SERAC1: variants seen among roughly 807,000 people sequenced by gnomAD.
The protein encoded by SERAC1 is serine active site containing 1, also known as protein SERAC1.
SERAC1 carries 36 observed loss-of-function variants against 85.7 expected under a neutral mutation model. The observed-to-expected ratio is 0.42, with a 90% confidence interval of 0.32 to 0.55. The LOEUF (loss-of-function observed/expected upper bound fraction) is 0.55, where lower values mean the gene tolerates loss of function less well. Among genes scored for constraint, SERAC1 ranks in the 20% least tolerant of loss-of-function variants. SERAC1 has a pLI of 0.11. For synonymous variants in SERAC1, 242 were observed against 265.3 expected (o/e 0.91, Z 0.85); for missense variants, 629 against 796.2 (o/e 0.79, Z 2.53).
At chr6:158,130,181 T>G (rs1436610234) in intron 9 of SERAC1, among the ~76,000 whole-genome samples, 192 bp downstream of exon 9, 1 of 152,178 alleles carries the variant, frequency 6.6e-6, no homozygotes, top group Non-Finnish European at 1.5e-5. Context: ...CTTAGCAAAA[T>G]AGAATCTCAT....
At position 158,158,541 on chromosome 6, in the gene SERAC1, C is replaced by G. The variant is rs1562461113; in HGVS notation, c.-1-177G>C. On this transcript the variant is annotated intron_variant, in intron 1 of 16. Transcript: ENST00000647468. ...TTCTCCATTAAAAACTTAAAAGGGA[C>G]TTATTAGAATAATATTTTGTTAGAA... 6.0e-6 allele frequency: 3 copies of G among 500,316 alleles called. No homozygotes were observed. In the East Asian group the frequency reaches 9.6e-5, roughly 16 times the overall value. The allele number at this position is 500,316 out of a possible 1,614,324, so 31.0% of individuals were successfully genotyped here. A position where few individuals can be genotyped will look rare whatever the true frequency, so the allele number is the denominator to read the frequency against.
intron 1 of SERAC1, chr6:158,162,084 C>T (rs1443009217): frequency 2.0e-5 from 3 of 152,022 alleles, no homozygotes; most frequent in African/African-American, 7.2e-5. Context: ...GCCCACTCTT[C>T]CTTGGGAACT....
Position 158,113,314 on chromosome 6 carries a change from TAAAAG to T in SERAC1, c.1828+130_1828+134del, listed in dbSNP as rs897950039. 1.1e-5 allele frequency: 8 copies of T among 696,678 alleles called. No homozygotes were observed. In the African/African-American group the frequency reaches 1.3e-4, roughly 11 times the overall value. 43.2% of individuals were successfully genotyped at this position (696,678 alleles called of 1,614,324 possible). On this transcript the variant is annotated intron_variant, in intron 16 of 16. Transcript: ENST00000647468. ...AATTTTAATCTATTGCTGAAAAGAA[TAAAAG>T]AAATCAAATCTAGACCTTCATAAAC...
chr6:158,141,751 T>A (rs73797647), intron 8 of SERAC1, among the ~76,000 whole-genome samples: 6,282 of 152,202 alleles, frequency 0.041, 200 homozygotes, highest in African/African-American at 0.09. Flanking sequence ...TTTAAAAGCA[T>A]AAGAAGGTCA....
chr6:158,116,374 G>T, intron 13 of SERAC1, 92 bp from the exon 14 acceptor site: 2 of 891,860 alleles, frequency 2.2e-6, no homozygotes. Flanking sequence ...TTAGTCTACA[G>T]GACCAATGCT....
intron 8 of SERAC1, among the ~76,000 whole-genome samples, chr6:158,134,026 G>A (rs779595502): frequency 5.3e-5 from 8 of 152,236 alleles, no homozygotes; most frequent in East Asian, 1.9e-4. Context: ...CTGAAAATAC[G>A]GTTATATTCA....
chr6:158,163,384 A>C (rs374619184), intron 1 of SERAC1, among the ~76,000 whole-genome samples: 1 of 152,220 alleles, frequency 6.6e-6, no homozygotes, highest in East Asian at 1.9e-4. Flanking sequence ...AGATGAATAC[A>C]CTATAAAATA....
At chr6:158,142,076 T>C (rs960619724) in intron 8 of SERAC1, among the ~76,000 whole-genome samples, 5 of 152,182 alleles carry the variant, frequency 3.3e-5, no homozygotes, top group Non-Finnish European at 7.4e-5. Flanking sequence ...CTCTTAGAGA[T>C]ATGAGATTTT....
chr6:158,114,237 G>A (rs921934265), intron 15 of SERAC1, among the ~76,000 whole-genome samples: 14 of 152,138 alleles, frequency 9.2e-5, no homozygotes, highest in African/African-American at 2.9e-4. Context: ...CTGACTCCAC[G>A]AAAGGAAAGT....
intron 10 of SERAC1, among the ~76,000 whole-genome samples, chr6:158,124,801 C>CAAAG (rs1398039870): frequency 6.9e-6 from 1 of 145,046 alleles, no homozygotes; most frequent in African/African-American, 2.6e-5. Context: ...ACACACTCAA[C>CAAAG]AAAGAATACT....
intron 3 of SERAC1, chr6:158,152,741 G>A (rs1785236598): frequency 6.6e-6 from 1 of 152,128 alleles, no homozygotes; most frequent in African/African-American, 2.4e-5. Context: ...TTCCCATTGT[G>A]TTATAATAGC....
intron 8 of SERAC1, among the ~76,000 whole-genome samples, chr6:158,135,002 C>A (rs959064393): frequency 1.3e-5 from 2 of 152,066 alleles, no homozygotes; most frequent in Non-Finnish European, 1.5e-5. Context: ...CACAAAATCA[C>A]CTCTATCGTA....
intron 3 of SERAC1, among the ~76,000 whole-genome samples, chr6:158,153,909 TC>T (rs1288570814): frequency 6.6e-6 from 1 of 151,952 alleles, no homozygotes; most frequent in Non-Finnish European, 1.5e-5. Flanking sequence ...GACGGGCAGA[TC>T]ACCTGAGCTC....
intron 2 of SERAC1, 79 bp from the exon 3 acceptor site, chr6:158,155,430 A>G: frequency 5.1e-6 from 4 of 781,682 alleles, no homozygotes; most frequent in Non-Finnish European, 8.6e-6. Context: ...GTAAGTCTCT[A>G]CCTATATCAT....
At chr6:158,114,438 T>A in intron 15 of SERAC1, 1 of 1,024,308 alleles carries the variant, frequency 9.8e-7, no homozygotes, top group Non-Finnish European at 1.2e-6. Flanking sequence ...TCTCAAAGTT[T>A]CATTTACATT....
intron 2 of SERAC1, among the ~76,000 whole-genome samples, chr6:158,157,959 C>T (rs1291381266): frequency 6.6e-6 from 1 of 152,140 alleles, no homozygotes; most frequent in Admixed American, 6.5e-5. Flanking sequence ...AGTGTATTCC[C>T]AGAACCTAAT....
chr6:158,155,219 C>T, intron 3 of SERAC1, 96 bp downstream of exon 3: 1 of 789,926 alleles, frequency 1.3e-6, no homozygotes, highest in East Asian at 2.5e-5. Context: ...AAAATCTATA[C>T]CCTTTCAAGA....
intron 8 of SERAC1, among the ~76,000 whole-genome samples, chr6:158,136,929 G>A (rs1784807642): frequency 6.6e-6 from 1 of 152,156 alleles, no homozygotes; most frequent in African/African-American, 2.4e-5. Flanking sequence ...GGAGGCCAAG[G>A]CAGGCGGATC....
At chr6:158,131,295 A>G (rs2128416133) in intron 8 of SERAC1, among the ~76,000 whole-genome samples, 1 of 147,662 alleles carries the variant, frequency 6.8e-6, no homozygotes, top group East Asian at 1.9e-4. Context: ...AATATATTAT[A>G]AATTATATAT....
Sources: gnomAD v4.1 joint callset for allele counts (sites outside exome capture counted in the v4.1 genomes callset) on GRCh38, gnomAD v4.1.1 for gene constraint, MANE v1.5 for transcripts, NCBI Gene and HGNC (gene_info 2026-07-23, HGNC 2026-07-21) for gene names.